FAM117B: variants seen among roughly 807,000 people sequenced by gnomAD.
FAM117B encodes protein FAM117B.
FAM117B carries 22 observed loss-of-function variants against 52.8 expected under a neutral mutation model. The observed-to-expected ratio is 0.42, with a 90% CI of 0.30 to 0.59. The LOEUF (loss-of-function observed/expected upper bound fraction) is 0.59. Among genes scored for constraint, FAM117B ranks in the 20% least tolerant of loss-of-function variants. The pLI is 0.22. For synonymous variants in FAM117B, 309 were observed against 324.1 expected, an observed-to-expected ratio of 0.95 and a Z score of 0.50; for missense variants, 678 against 802.6, an observed-to-expected ratio of 0.84 and a Z score of 1.88.
intron 4 of FAM117B, among the ~76,000 whole-genome samples, chr2:202,737,867 G>A (rs1032651576): frequency 2.6e-5 from 4 of 152,076 alleles, no homozygotes; most frequent in Non-Finnish European, 5.9e-5. Context: ...CTCCCAAAGT[G>A]CTGGGATTAC....
Position 202,635,198 on chromosome 2 carries a change from G to T in FAM117B, c.11G>T (p.Arg4Leu). The T allele has an allele frequency of 7.8e-7, 1 of 1,290,068 alleles. No homozygotes were observed. The highest frequency in any genetic ancestry group is 9.8e-7 in the Non-Finnish European group (1 of 1,016,756). The allele number at this position is 1,290,068 out of a possible 1,614,324, so 79.9% of individuals were successfully genotyped here. The change falls in exon 1 of 8, where the codon CGG (arginine) becomes CTG (leucine). Residue 4 changes from arginine to leucine, a missense_variant. Arg to Leu is a moderately radical substitution (Grantham distance 102). Transcript: ENST00000392238. MSQ[R>L]VRRNGSPTPA... ...GGGAGGGGGGGGACCATGTCCCAGC[G>T]GGTGAGGCGCAATGGGTCCCCCACG...
chr2:202,737,470 A>G (rs1383328913), intron 4 of FAM117B, among the ~76,000 whole-genome samples: 1 of 152,182 alleles, frequency 6.6e-6, no homozygotes, highest in Non-Finnish European at 1.5e-5. Context: ...TCTGTTCTCC[A>G]TCACTCTAAC....
intron 2 of FAM117B, among the ~76,000 whole-genome samples, chr2:202,704,820 C>T (rs1020856238): frequency 4.0e-5 from 6 of 151,796 alleles, no homozygotes; most frequent in African/African-American, 1.5e-4. Flanking sequence ...AGGCTAGTCT[C>T]GAACACCTGA....
chr2:202,719,041 TAAGAC>T (rs752271787), intron 2 of FAM117B, among the ~76,000 whole-genome samples: 10 of 152,194 alleles, frequency 6.6e-5, no homozygotes, highest in Non-Finnish European at 8.8e-5. Flanking sequence ...TTCTAGTACA[TAAGAC>T]AAGACTGAAC....
chr2:202,645,027 G>A (rs1313488425), intron 1 of FAM117B, among the ~76,000 whole-genome samples: 1 of 151,760 alleles, frequency 6.6e-6, no homozygotes, highest in East Asian at 1.9e-4. Flanking sequence ...TGGAAGCTGT[G>A]TTATCTAGTT....
At chr2:202,654,703 A>G (rs1389313647) in intron 1 of FAM117B, among the ~76,000 whole-genome samples, 2 of 150,384 alleles carry the variant, frequency 1.3e-5, no homozygotes, top group Non-Finnish European at 3.0e-5. Context: ...TCAGACTTGC[A>G]TCATACTGTA....
intron 4 of FAM117B, among the ~76,000 whole-genome samples, chr2:202,750,634 G>T (rs1691707513): frequency 6.6e-6 from 1 of 152,188 alleles, no homozygotes; most frequent in African/African-American, 2.4e-5. Context: ...CCATATACCA[G>T]CCTTGTTGAA....
At chr2:202,707,944 T>C (rs981985694) in intron 2 of FAM117B, among the ~76,000 whole-genome samples, 3 of 151,784 alleles carry the variant, frequency 2.0e-5, no homozygotes, top group African/African-American at 7.3e-5. Flanking sequence ...ATTTTTTGTA[T>C]TTTTGGTAGA....
At position 202,640,340 on chromosome 2, in the gene FAM117B, A is replaced by ATATATATATG. The variant is rs1371719386; in HGVS notation, c.601+4555_601+4556insATATATGTAT. Among the ~76,000 whole-genome samples the ATATATATATG allele has an allele frequency of 1.9e-3, 203 of 105,706 alleles. 27 individuals are homozygous for ATATATATATG. Among genetic ancestry groups the ATATATATATG allele is most frequent in the African/African-American group, 8.5e-3 (196 of 23,080 alleles). The allele number at this position is 105,706 out of a possible 152,430, so 69.3% of individuals were successfully genotyped here. On this transcript the variant is annotated intron_variant, in intron 1 of 7. Transcript: ENST00000392238. ...TATATATATATATATATATATATAT[A>ATATATATATG]TATGGCAAGTCGTGTTCTTGCTAGT...
intron 4 of FAM117B, among the ~76,000 whole-genome samples, chr2:202,734,309 C>T (rs2105790749): frequency 6.6e-6 from 1 of 152,164 alleles, no homozygotes; most frequent in South Asian, 2.1e-4. Flanking sequence ...ATTACTTGAG[C>T]CCAGGAGTTC....
chr2:202,666,163 T>C (rs1370227531), intron 1 of FAM117B, among the ~76,000 whole-genome samples: 2 of 152,186 alleles, frequency 1.3e-5, no homozygotes, highest in East Asian at 1.9e-4. Flanking sequence ...CTTTTGATGA[T>C]AGAGACTTTG....
intron 1 of FAM117B, among the ~76,000 whole-genome samples, chr2:202,646,849 G>A (rs777772995): frequency 1.3e-5 from 2 of 151,854 alleles, no homozygotes; most frequent in South Asian, 4.1e-4. Flanking sequence ...CCTTGTTTAA[G>A]TGATAACAAT....
At chr2:202,750,389 T>C (rs1286061022) in intron 4 of FAM117B, among the ~76,000 whole-genome samples, 4 of 152,092 alleles carry the variant, frequency 2.6e-5, no homozygotes, top group Admixed American at 1.3e-4. Context: ...GGCATGTGCC[T>C]GTAATCCCAG....
intron 1 of FAM117B, among the ~76,000 whole-genome samples, chr2:202,636,336 GATAA>G (rs1689686286): frequency 6.6e-6 from 1 of 152,220 alleles, no homozygotes; most frequent in Non-Finnish European, 1.5e-5. Flanking sequence ...CCTAAGACTT[GATAA>G]ATGGGTAGCA....
At chr2:202,741,416 C>CAAAGAAAAA (rs1691534465) in intron 4 of FAM117B, among the ~76,000 whole-genome samples, 1 of 34,934 alleles carries the variant, frequency 2.9e-5, no homozygotes, top group African/African-American at 1.3e-4. Context: ...GACTCTGTCT[C>CAAAGAAAAA]AAAAAAAAAA....
Position 202,635,272 on chromosome 2 carries a change from G to A in FAM117B, c.85G>A (p.Gly29Arg). 2 of 1,399,696 alleles carry A rather than the reference G, an allele frequency of 1.4e-6. No individual in the cohort carries two copies. Among genetic ancestry groups the A allele is most frequent in the Non-Finnish European group, 1.9e-6 (2 of 1,074,114 alleles). The allele number at this position is 1,399,696 out of a possible 1,614,324, so 86.7% of individuals were successfully genotyped here. ...TGCGGTGGCCACGGCCGGGGGACCC[G>A]GGAGCCGCTTGCAGCCCATGAGGGC... ...GGAVATAGGP[G>R]SRLQPMRATV... Residue 29 changes from glycine (G) to arginine (R), a missense_variant, in exon 1 of 8, where the codon GGG (glycine) becomes AGG (arginine). This residue lies in a region of FAM117B where 583 missense variants were observed against 644.8 expected (regional missense o/e 0.90). Transcript: ENST00000392238.
chr2:202,710,723 T>C (rs1245474797), intron 2 of FAM117B, among the ~76,000 whole-genome samples: 1 of 152,124 alleles, frequency 6.6e-6, no homozygotes, highest in East Asian at 1.9e-4. Flanking sequence ...CTGCTAACCT[T>C]CTCAGCCTCT....
intron 1 of FAM117B, among the ~76,000 whole-genome samples, chr2:202,684,778 A>G (rs1247601062): frequency 3.3e-5 from 5 of 152,168 alleles, no homozygotes; most frequent in Admixed American, 3.3e-4. Flanking sequence ...AAACAAGATC[A>G]TGTATTGATT....
rs1265352879 is a variant in FAM117B, at chr2:202,768,515, A to G, written c.*2751A>G. On this transcript the variant is annotated 3_prime_UTR_variant, in exon 8 of 8. Coordinates refer to ENST00000392238, the MANE Select transcript of FAM117B (RefSeq NM_173511.4). ...AAACAACTCTAACTGCCAGTGCCAAAGGGCTAATTTTTAAGCATGTAAGCT... is the reference window on the plus strand; with the variant it reads ...AAACAACTCTAACTGCCAGTGCCAAGGGGCTAATTTTTAAGCATGTAAGCT... 3.9e-5 allele frequency: 6 copies of G among 152,632 alleles called. No individual in the cohort carries two copies. Among genetic ancestry groups the G allele is most frequent in the Non-Finnish European group, 7.3e-5 (5 of 68,030 alleles). The allele number at this position is 152,632 out of a possible 1,614,324, so 9.5% of individuals were successfully genotyped here. A position where few individuals can be genotyped will look rare whatever the true frequency, so the allele number is the denominator to read the frequency against.
Sources: allele counts gnomAD v4.1 joint callset (sites outside exome capture counted in the v4.1 genomes callset), GRCh38; gene constraint gnomAD v4.1.1; regional missense constraint gnomAD v4.1.1; transcripts MANE v1.5; gene names NCBI Gene and HGNC (gene_info 2026-07-23, HGNC 2026-07-21).